PARD3: variants seen among roughly 807,000 people sequenced by gnomAD.
The protein encoded by PARD3 is partitioning defective 3 homolog.
PARD3 carries 75 observed loss-of-function variants against 155.4 expected under a neutral mutation model. That is an observed-to-expected ratio of 0.48 (90% CI 0.40 to 0.58). The LOEUF (loss-of-function observed/expected upper bound fraction) is 0.58, where lower values mean the gene tolerates loss of function less well. Among genes scored for constraint, PARD3 ranks in the 20% least tolerant of loss-of-function variants. The pLI is 0.00. For missense variants in PARD3, 1,642 were observed against 1,721.7 expected (o/e 0.95, Z 0.82); for synonymous variants, 576 against 610.5 (o/e 0.94, Z 0.83).
chr10:34,650,087 C>G (rs1338068498), intron 2 of PARD3, among the ~76,000 whole-genome samples: 1 of 152,214 alleles, frequency 6.6e-6, no homozygotes, highest in East Asian at 1.9e-4. Flanking sequence ...CTGCCTGAAG[C>G]TGTTTTACAA....
At chr10:34,266,176 T>C (rs1175291204) in intron 22 of PARD3, among the ~76,000 whole-genome samples, 2 of 152,104 alleles carry the variant, frequency 1.3e-5, no homozygotes, top group African/African-American at 2.4e-5. Context: ...TAAGTAACAT[T>C]ATAATCAAAA....
At chr10:34,368,334 G>A (rs1334737058) in intron 12 of PARD3, among the ~76,000 whole-genome samples, 1 of 152,150 alleles carries the variant, frequency 6.6e-6, no homozygotes, top group East Asian at 1.9e-4. Flanking sequence ...GAGATAGGTA[G>A]AAGTCAGTAG....
intron 19 of PARD3, among the ~76,000 whole-genome samples, chr10:34,325,890 A>C (rs1173801924): frequency 6.6e-6 from 1 of 152,144 alleles, no homozygotes; most frequent in African/African-American, 2.4e-5. Context: ...TGGGAGGCCA[A>C]GGTGGGCAGA....
chr10:34,519,590 G>A (rs2082001791), intron 2 of PARD3, among the ~76,000 whole-genome samples: 1 of 152,068 alleles, frequency 6.6e-6, no homozygotes, highest in Admixed American at 6.6e-5. Flanking sequence ...TAGGCGGGCG[G>A]ATCATTTGAG....
intron 5 of PARD3, among the ~76,000 whole-genome samples, chr10:34,419,820 C>T (rs993354263): frequency 6.6e-6 from 1 of 152,196 alleles, no homozygotes; most frequent in Non-Finnish European, 1.5e-5. Flanking sequence ...CATATCCATA[C>T]ACTCAAGTGC....
intron 2 of PARD3, among the ~76,000 whole-genome samples, chr10:34,665,737 C>A (rs1472406849): frequency 6.6e-6 from 1 of 151,712 alleles, no homozygotes; most frequent in Admixed American, 6.6e-5. Context: ...ACTCAGGAGG[C>A]TGAAGCAGAA....
chr10:34,794,106 C>CG (rs1170029188), intron 1 of PARD3, among the ~76,000 whole-genome samples: 5 of 150,780 alleles, frequency 3.3e-5, no homozygotes, highest in Non-Finnish European at 7.4e-5. Context: ...CCACAGTCAG[C>CG]GGGGGGTGGG....
At position 34,355,955 on chromosome 10, in the gene PARD3, AACC is replaced by A. The variant is rs1251600788; in HGVS notation, c.2067+3189_2067+3191del. 4.2e-3 allele frequency among the ~76,000 whole-genome samples: 502 copies of A among 119,056 alleles called. 22 individuals carry two copies. Among genetic ancestry groups the A allele is most frequent in the African/African-American group, 0.017 (350 of 20,244 alleles). The allele number at this position is 119,056 out of a possible 152,430, so 78.1% of individuals were successfully genotyped here. On this transcript the variant is annotated intron_variant, in intron 14 of 24. Coordinates refer to ENST00000374788, the MANE Select transcript of PARD3 (RefSeq NM_001184785.2). ...AAAAAAAAAAAAAAAAACAAAACAA[AACC>A]AAACAAAAAAACAGACAACAGACCC...
At chr10:34,187,135 A>T (rs1950525276) in intron 22 of PARD3, among the ~76,000 whole-genome samples, 1 of 152,176 alleles carries the variant, frequency 6.6e-6, no homozygotes, top group Non-Finnish European at 1.5e-5. Context: ...TGGGGGTCCC[A>T]GGGGTACATG....
At chr10:34,685,994 AT>A (rs2093950147) in intron 2 of PARD3, among the ~76,000 whole-genome samples, 1 of 152,166 alleles carries the variant, frequency 6.6e-6, no homozygotes, top group Middle Eastern at 3.2e-3. Flanking sequence ...AACTCATCCC[AT>A]TTTTGCATGT....
intron 22 of PARD3, among the ~76,000 whole-genome samples, chr10:34,174,035 T>G (rs1949922722): frequency 6.6e-6 from 1 of 152,192 alleles, no homozygotes; most frequent in Admixed American, 6.5e-5. Context: ...ATCAGCATGT[T>G]ACATGGTTGG....
At position 34,284,225 on chromosome 10, in the gene PARD3, T is replaced by C; in HGVS notation, c.3086A>G (p.Asp1029Gly). ...DMFRFGKHRKDDKIEKTGKIK... is the reference protein window; with the variant it reads ...DMFRFGKHRKGDKIEKTGKIK... ...TTTACCCGTTTTCTCAATCTTGTCA[T>C]CTTTTCGATGTTTGCCAAACCTGTT... The change falls in exon 21 of 25, where the codon GAT (aspartate) becomes GGT (glycine). Residue 1029 changes from aspartate (D) to glycine (G), a missense_variant. Asp to Gly is a moderately conservative substitution (Grantham distance 94). Around this residue, in one of 3 missense-constraint regions of PARD3, gnomAD observed 1,529 missense variants for 1,587.3 expected, o/e 0.96. Coordinates refer to ENST00000374788, the MANE Select transcript of PARD3 (RefSeq NM_001184785.2). 2 of 1,609,190 alleles carry C rather than the reference T, an allele frequency of 1.2e-6. No homozygotes were observed. Among genetic ancestry groups the C allele is most frequent in the East Asian group, 4.5e-5 (2 of 44,686 alleles).
chr10:34,212,315 G>A (rs1199617501), intron 22 of PARD3, among the ~76,000 whole-genome samples: 1 of 152,104 alleles, frequency 6.6e-6, no homozygotes, highest in Non-Finnish European at 1.5e-5. Flanking sequence ...CTGTTATCTA[G>A]GTCATTCTTC....
At chr10:34,487,853 A>T (rs999619097) in intron 3 of PARD3, among the ~76,000 whole-genome samples, 4 of 152,312 alleles carry the variant, frequency 2.6e-5, no homozygotes, top group African/African-American at 9.6e-5. Context: ...TTCATCTAAC[A>T]AGTAATTTGT....
chr10:34,323,851 A>G (rs112962619), intron 19 of PARD3, among the ~76,000 whole-genome samples: 19 of 152,296 alleles, frequency 1.2e-4, no homozygotes, highest in African/African-American at 3.4e-4. Flanking sequence ...TTAGTGTCCA[A>G]CTGATTTTAA....
Position 34,565,173 on chromosome 10 carries a change from T to C in PARD3, c.223-48014A>G, listed in dbSNP as rs187204652. On this transcript the variant is annotated intron_variant, in intron 2 of 24. Coordinates refer to ENST00000374788, the MANE Select transcript of PARD3 (RefSeq NM_001184785.2). ...TCTAGTAGCCAAGTATACTTCATCA[T>C]GAAAGCTAGTTTAATTATATTAAGA... Among the ~76,000 whole-genome samples the C allele has an allele frequency of 2.8e-3, 419 of 148,272 alleles. 2 individuals carry two copies. Among genetic ancestry groups the C allele is most frequent in the Non-Finnish European group, 4.0e-3 (271 of 67,690 alleles).
chr10:34,250,155 C>CCG (rs1954215586), intron 22 of PARD3, among the ~76,000 whole-genome samples: 1 of 151,438 alleles, frequency 6.6e-6, no homozygotes, highest in Admixed American at 6.6e-5. Context: ...TGCTCCCCCT[C>CCG]CACACACACA....
At chr10:34,111,735 C>T (rs1005459271) in intron 24 of PARD3, among the ~76,000 whole-genome samples, 173 bp from the exon 25 acceptor site, 4 of 152,176 alleles carry the variant, frequency 2.6e-5, no homozygotes, top group African/African-American at 9.7e-5. Context: ...TGACTGTCCT[C>T]AGCAAGCGCA....
At chr10:34,622,480 A>G (rs543236386) in intron 2 of PARD3, among the ~76,000 whole-genome samples, 188 of 152,334 alleles carry the variant, frequency 1.2e-3, no homozygotes, top group Non-Finnish European at 2.2e-3. Flanking sequence ...CAATTGTTAG[A>G]AAAGCACAGG....
Sources: gnomAD v4.1 joint callset for allele counts (sites outside exome capture counted in the v4.1 genomes callset) on GRCh38, gnomAD v4.1.1 for gene constraint, gnomAD v4.1.1 regional missense constraint, MANE v1.5 for transcripts, NCBI Gene and HGNC (gene_info 2026-07-23, HGNC 2026-07-21) for gene names.